Variants in EXT2 observed in about 807,000 individuals in gnomAD.
EXT2 encodes exostosin-2.
Under a neutral mutation model 81.6 loss-of-function variants are expected in EXT2, and 53 were observed. The observed-to-expected ratio is 0.65, with a 90% CI of 0.52 to 0.82. The LOEUF is 0.82. Among genes scored for constraint, EXT2 ranks in the 40% least tolerant of loss-of-function variants. The probability of loss-of-function intolerance (pLI) is 0.00; values close to 1 mark genes in which losing one functional copy is unlikely to be tolerated. For missense variants in EXT2, 774 were observed against 910.2 expected (o/e 0.85, Z 1.93); for synonymous variants, 320 against 340.0 (o/e 0.94, Z 0.65).
chr11:44,172,862 T>C (rs916480522), intron 8 of EXT2, among the ~76,000 whole-genome samples: 2 of 152,242 alleles, frequency 1.3e-5, no homozygotes, highest in African/African-American at 4.8e-5. Flanking sequence ...GCATGAGCCA[T>C]TGTGCCAGGC....
At chr11:44,232,259 C>T in intron 10 of EXT2, 94 bp from the exon 11 acceptor site, 1 of 1,537,164 alleles carries the variant, frequency 6.5e-7, no homozygotes, top group South Asian at 1.1e-5. Context: ...ATGGTTTGAA[C>T]CTAGGAAGTC....
In EXT2 at chr11:44,246,714, G is replaced by A. The variant is rs540812007; in HGVS notation, c.*2427G>A. 1.0e-3 allele frequency among the ~76,000 whole-genome samples: 154 copies of A among 152,322 alleles called. 1 individual carries two copies. Among genetic ancestry groups the A allele is most frequent in the African/African-American group, 3.7e-3 (152 of 41,568 alleles). ...CAAGACAGGGATATAGCAGGTGATG[G>A]CGATTCATGGATTCAGAGTGGGCTA... On this transcript the variant is annotated 3_prime_UTR_variant, in exon 14 of 14. Transcript: ENST00000533608.
In EXT2 at chr11:44,126,871, G is replaced by A. The variant is rs148493676; in HGVS notation, c.995G>A (p.Ser332Asn). The A allele has an allele frequency of 8.1e-6, 13 of 1,614,078 alleles. No homozygotes were observed. In the African/African-American group the frequency reaches 9.3e-5, roughly 12 times the overall value. Reference protein sequence around the residue: ...RGARLGQAVLSDVLQAGCVPV... With the variant: ...RGARLGQAVLNDVLQAGCVPV... ...GCTCGGCTGGGCCAGGCAGTATTGA[G>A]CGATGTGTTACAAGCTGGCTGTGTC... The change falls in exon 6 of 14, where the codon AGC (serine) becomes AAC (asparagine). Residue 332 changes from serine (S) to asparagine (N), a missense_variant. Coordinates refer to ENST00000533608, the MANE Select transcript of EXT2 (RefSeq NM_207122.2).
At chr11:44,200,357 A>T (rs1222481029) in intron 9 of EXT2, among the ~76,000 whole-genome samples, 1 of 150,030 alleles carries the variant, frequency 6.7e-6, no homozygotes, top group East Asian at 1.9e-4. Context: ...TTTTGGTTAC[A>T]CTTAAGTCCA....
At chr11:44,137,477 T>C (rs923475601) in intron 7 of EXT2, among the ~76,000 whole-genome samples, 1 of 152,154 alleles carries the variant, frequency 6.6e-6, no homozygotes, top group African/African-American at 2.4e-5. Context: ...CCAGTTTTAA[T>C]TGGTTTGGTG....
At chr11:44,207,529 G>A (rs1955598315) in intron 10 of EXT2, among the ~76,000 whole-genome samples, 1 of 152,166 alleles carries the variant, frequency 6.6e-6, no homozygotes, top group Non-Finnish European at 1.5e-5. Flanking sequence ...CCAGAGTCCA[G>A]GCCTGGTGAA....
rs568661557 is a variant in EXT2 at position 44,159,366 on chromosome 11, C to G, written c.1174-12245C>G. 2.0e-5 allele frequency among the ~76,000 whole-genome samples: 3 copies of G among 150,666 alleles called. No individual in the cohort carries two copies. The East Asian group carries it at 5.8e-4, about 29-fold the overall frequency. ...TCAGTCTTTTTTTTTCTGTGCTTTT[C>G]AGGTTTGGAAGTTACTGTTAAAATA... On this transcript the variant is annotated intron_variant, in intron 7 of 13. Transcript: ENST00000533608.
intron 4 of EXT2, among the ~76,000 whole-genome samples, chr11:44,120,879 C>A (rs1274379931): frequency 6.6e-6 from 1 of 152,164 alleles, no homozygotes. Flanking sequence ...AAGTTCTCAG[C>A]ATGGTTTTGC....
intron 7 of EXT2, among the ~76,000 whole-genome samples, chr11:44,131,562 G>A (rs898592662): frequency 6.6e-6 from 1 of 152,140 alleles, no homozygotes; most frequent in African/African-American, 2.4e-5. Context: ...GCATCCTCCT[G>A]TTCGTTTTAA....
intron 7 of EXT2, among the ~76,000 whole-genome samples, chr11:44,164,169 G>A (rs1225632381): frequency 1.3e-5 from 2 of 151,948 alleles, no homozygotes; most frequent in African/African-American, 4.8e-5. Flanking sequence ...TATAATACTG[G>A]TTTTTCACTT....
At chr11:44,142,896 A>G (rs759618622) in intron 7 of EXT2, among the ~76,000 whole-genome samples, 22 of 152,224 alleles carry the variant, frequency 1.4e-4, no homozygotes, top group Non-Finnish European at 2.9e-4. Flanking sequence ...CTAGCAAGCT[A>G]TAAATGAATT....
Position 44,216,672 on chromosome 11 carries a change from T to C in EXT2, c.1662+9713T>C, listed in dbSNP as rs74744574. ...TGCTTATGTTAAAGGGTTGGAAGAA[T>C]TGATTTACAGAGACCATTTTAAAGC... On this transcript the variant is annotated intron_variant, in intron 10 of 13. Coordinates refer to ENST00000533608, the MANE Select transcript of EXT2 (RefSeq NM_207122.2). Among the ~76,000 whole-genome samples, 1,052 of 152,120 alleles carry C rather than the reference T, an allele frequency of 6.9e-3. 15 individuals are homozygous for C. The highest frequency in any genetic ancestry group is 0.024 in the African/African-American group (982 of 41,476).
Position 44,109,951 on chromosome 11 carries a change from G to C in EXT2, c.626+668G>C, listed in dbSNP as rs529154260. ...GCTTTCTTGGAAAGCTCTGGTATGA[G>C]GTGCTACTTAAGGGACCTCTCTTAG... is the stretch of plus-strand genomic sequence containing the variant. On this transcript the variant is annotated intron_variant, in intron 3 of 13. Coordinates refer to ENST00000533608, the MANE Select transcript of EXT2 (RefSeq NM_207122.2). Among the ~76,000 whole-genome samples the C allele has an allele frequency of 2.2e-4, 33 of 152,272 alleles. 1 individual carries two copies. In the South Asian group the frequency reaches 6.0e-3, roughly 28 times the overall value.
chr11:44,176,834 GC>G (rs1030430680), intron 8 of EXT2, among the ~76,000 whole-genome samples: 1 of 151,228 alleles, frequency 6.6e-6, no homozygotes, highest in Non-Finnish European at 1.5e-5. Flanking sequence ...AGGGTCTCCA[GC>G]CATGCACAGA....
At chr11:44,243,734 A>G (rs1185751211) in intron 13 of EXT2, among the ~76,000 whole-genome samples, 1 of 141,352 alleles carries the variant, frequency 7.1e-6, no homozygotes, top group Non-Finnish European at 1.5e-5. Context: ...TTTTCTTTCC[A>G]TCCTTTGCCT....
chr11:44,227,580 T>G (rs1955851574), intron 10 of EXT2, among the ~76,000 whole-genome samples: 1 of 152,220 alleles, frequency 6.6e-6, no homozygotes, highest in African/African-American at 2.4e-5. Flanking sequence ...CTATAGGATG[T>G]GAGACTCAAT....
chr11:44,234,089 T>G (rs1200689447), intron 11 of EXT2, 26 bp from the exon 12 acceptor site: 9 of 1,613,840 alleles, frequency 5.6e-6, no homozygotes, highest in Non-Finnish European at 6.8e-6. Context: ...TTTTTGAATA[T>G]TTCTTCTTTC....
chr11:44,136,339 A>AT (rs1400011668), intron 7 of EXT2, among the ~76,000 whole-genome samples: 1 of 152,202 alleles, frequency 6.6e-6, no homozygotes, highest in African/African-American at 2.4e-5. Flanking sequence ...GAAACTAAGG[A>AT]TAAAGAGACG....
At chr11:44,226,819 A>G (rs1443699824) in intron 10 of EXT2, among the ~76,000 whole-genome samples, 4 of 152,242 alleles carry the variant, frequency 2.6e-5, no homozygotes, top group African/African-American at 9.6e-5. Context: ...GCAAGGTTTG[A>G]GCTGGTTCAT....
Sources: allele counts gnomAD v4.1 joint callset (sites outside exome capture counted in the v4.1 genomes callset), GRCh38; gene constraint gnomAD v4.1.1; transcripts MANE v1.5; gene names NCBI Gene and HGNC (gene_info 2026-07-23, HGNC 2026-07-21).